Variants in PTDSS1 observed in about 807,000 individuals in gnomAD.
The protein encoded by PTDSS1 is phosphatidylserine synthase 1, also known as PSS-1.
In PTDSS1, 45 loss-of-function variants were observed where a neutral mutation model predicts 70.5. The ratio of observed to expected loss-of-function variants is 0.64; its 90% confidence interval spans 0.50 to 0.82. The LOEUF (loss-of-function observed/expected upper bound fraction) is 0.82. PTDSS1 is among the 40% of genes least tolerant of loss of function. The pLI is 0.00. For missense variants in PTDSS1, 417 were observed against 586.1 expected (o/e 0.71, Z 2.98); for synonymous variants, 188 against 203.8 (o/e 0.92, Z 0.66).
chr8:96,336,073 T>C lies in PTDSS1; in HGVS notation c.*2507T>C, dbSNP rs1354775870. On this transcript the variant is annotated 3_prime_UTR_variant, in exon 13 of 13. Coordinates refer to ENST00000517309, the MANE Select transcript of PTDSS1 (RefSeq NM_014754.3). The stretch of plus-strand genomic sequence containing the variant: ...AAAGCTTCTTCCCACATTTCGTTTG[T>C]GTCTGTTTCCACCATTCATAGAAAC... 2 of 150,492 alleles carry C rather than the reference T, an allele frequency of 1.3e-5. No homozygotes were observed. Among genetic ancestry groups the C allele is most frequent in the Non-Finnish European group, 2.9e-5 (2 of 68,048 alleles). The allele number at this position is 150,492 out of a possible 1,614,324, so 9.3% of individuals were successfully genotyped here. A position where few individuals can be genotyped will look rare whatever the true frequency, so the allele number is the denominator to read the frequency against.
chr8:96,323,933 A>G (rs1811405156), intron 10 of PTDSS1, among the ~76,000 whole-genome samples: 1 of 152,142 alleles, frequency 6.6e-6, no homozygotes, highest in Non-Finnish European at 1.5e-5. Flanking sequence ...TTCCTCTGGA[A>G]TCTCATTGTA....
chr8:96,276,970 G>GCACACACACACA (rs1295032798), intron 2 of PTDSS1, among the ~76,000 whole-genome samples: 1 of 115,608 alleles, frequency 8.6e-6, no homozygotes, highest in African/African-American at 3.2e-5. Context: ...ATACACGCGC[G>GCACACACACACA]CACGCGCGCG....
intron 10 of PTDSS1, among the ~76,000 whole-genome samples, chr8:96,321,853 G>T (rs903053074): frequency 2.6e-5 from 4 of 152,166 alleles, no homozygotes; most frequent in Admixed American, 6.5e-5. Context: ...GATCTCCTTT[G>T]TATTTAAACT....
chr8:96,281,138 A>G (rs1206780578), intron 2 of PTDSS1, among the ~76,000 whole-genome samples: 1 of 152,224 alleles, frequency 6.6e-6, no homozygotes, highest in African/African-American at 2.4e-5. Context: ...GAGCGTAAGT[A>G]TCAGGACTTA....
chr8:96,280,125 T>C (rs1488468956), intron 2 of PTDSS1, among the ~76,000 whole-genome samples: 2 of 152,222 alleles, frequency 1.3e-5, no homozygotes, highest in Admixed American at 6.5e-5. Context: ...ATGATCTTAT[T>C]TTCTAATTTC....
In PTDSS1 at chr8:96,336,783, G is replaced by T. The variant is rs1300089505; in HGVS notation, c.*3217G>T. ...GGCTGAGGTGGGTGGATCGCCTGAG[G>T]TCAGGAGTTTGAGACCAGCCTGACC... On this transcript the variant is annotated 3_prime_UTR_variant, in exon 13 of 13. Coordinates refer to ENST00000517309, the MANE Select transcript of PTDSS1 (RefSeq NM_014754.3). The T allele has an allele frequency of 6.6e-6, 1 of 151,846 alleles. No homozygotes were observed. Among genetic ancestry groups the T allele is most frequent in the Non-Finnish European group, 1.5e-5 (1 of 68,054 alleles). The allele number at this position is 151,846 out of a possible 1,614,324, so 9.4% of individuals were successfully genotyped here.
At chr8:96,310,411 C>G (rs142872439) in intron 9 of PTDSS1, among the ~76,000 whole-genome samples, 145 of 151,942 alleles carry the variant, frequency 9.5e-4, no homozygotes, top group African/African-American at 3.4e-3. Context: ...ATCTGACCCC[C>G]TTGGCCTCCC....
rs1373782772 is a variant in PTDSS1 at position 96,333,555 on chromosome 8, GGAAA to G, written c.1416_1419del (p.Lys472AsnfsTer48). 3.7e-6 allele frequency: 6 copies of G among 1,608,020 alleles called. No individual in the cohort carries two copies. The South Asian group carries it at 6.6e-5, about 18-fold the overall frequency. On this transcript the variant is annotated frameshift_variant, in exon 13 of 13. Coordinates refer to ENST00000517309, the MANE Select transcript of PTDSS1 (RefSeq NM_014754.3). LOFTEE classifies it high-confidence loss of function. The stretch of plus-strand genomic sequence containing the variant: ...CAAGTCAAAAGTCACCAATGGCGTT[GGAAA>G]GAAATGAAAAACCCTGGTTAATCAA...
chr8:96,285,075 C>CA (rs1213818127), intron 3 of PTDSS1, among the ~76,000 whole-genome samples: 1 of 152,102 alleles, frequency 6.6e-6, no homozygotes, highest in Non-Finnish European at 1.5e-5. Context: ...AATCAGTAAT[C>CA]AAAAAAATAT....
chr8:96,299,376 T>C (rs1811019636), intron 5 of PTDSS1, among the ~76,000 whole-genome samples: 1 of 152,218 alleles, frequency 6.6e-6, no homozygotes, highest in Non-Finnish European at 1.5e-5. Context: ...CCCTCCCAGA[T>C]CCTTGTCATG....
At chr8:96,330,404 C>A in intron 11 of PTDSS1, 123 bp downstream of exon 11, 1 of 895,218 alleles carries the variant, frequency 1.1e-6, no homozygotes. Flanking sequence ...GGCCTCCAGT[C>A]CTGCCACTGC....
intron 4 of PTDSS1, among the ~76,000 whole-genome samples, chr8:96,293,647 C>T (rs535482159): frequency 6.6e-6 from 1 of 152,258 alleles, no homozygotes; most frequent in Non-Finnish European, 1.5e-5. Context: ...TGCAAATAGA[C>T]GGATTGGTCT....
intron 6 of PTDSS1, among the ~76,000 whole-genome samples, chr8:96,302,774 G>A (rs1468003976): frequency 6.6e-6 from 1 of 152,070 alleles, no homozygotes; most frequent in East Asian, 1.9e-4. Context: ...TAGAGACAGG[G>A]TTTCACCATG....
Position 96,299,830 on chromosome 8 carries a change from A to G in PTDSS1, c.737A>G (p.His246Arg). 2 of 1,612,256 alleles carry G rather than the reference A, an allele frequency of 1.2e-6. No homozygotes were observed. Among genetic ancestry groups the G allele is most frequent in the Non-Finnish European group, 1.7e-6 (2 of 1,179,504 alleles). ...VCRFLEMRTYHWASFKDIHTT... is the reference protein window; with the variant it reads ...VCRFLEMRTYRWASFKDIHTT... ...CGGTTTTTAGAGATGAGGACTTACC[A>G]CTGGGCAAGCTTCAAGTGAGTTGCC... The change falls in exon 6 of 13, where the codon CAC becomes CGC. Residue 246 changes from histidine to arginine, a missense_variant. Physicochemically the swap from His to Arg is conservative, Grantham distance 29 (BLOSUM62 0). Coordinates refer to ENST00000517309, the MANE Select transcript of PTDSS1 (RefSeq NM_014754.3).
chr8:96,273,281 T>C lies in PTDSS1; in HGVS notation c.180-18T>C. On this transcript the variant is annotated intron_variant, in intron 1 of 12. Coordinates refer to ENST00000517309, the MANE Select transcript of PTDSS1 (RefSeq NM_014754.3). Reference sequence around the variant, plus strand: ...TGGATCTGAAAGTAAATGCTCAATGTTGTTTTTCTATTTTCAGGGATGACT... The same window carrying C: ...TGGATCTGAAAGTAAATGCTCAATGCTGTTTTTCTATTTTCAGGGATGACT... 2 of 1,559,330 alleles carry C rather than the reference T, an allele frequency of 1.3e-6. No individual in the cohort carries two copies. The highest frequency in any genetic ancestry group is 1.7e-6 in the Non-Finnish European group (2 of 1,148,074).
At chr8:96,291,200 G>A (rs1272134210) in intron 4 of PTDSS1, among the ~76,000 whole-genome samples, 1 of 152,000 alleles carries the variant, frequency 6.6e-6, no homozygotes, top group Non-Finnish European at 1.5e-5. Flanking sequence ...AGAGCTTAGA[G>A]TCTACTAGAA....
chr8:96,312,411 A>T (rs554959884), intron 9 of PTDSS1, among the ~76,000 whole-genome samples: 1 of 150,830 alleles, frequency 6.6e-6, no homozygotes, highest in East Asian at 2.0e-4. Flanking sequence ...TTGAGCTATG[A>T]TTGTGCCTCT....
In PTDSS1 at chr8:96,333,738, G is replaced by A. The variant is rs1305439004; in HGVS notation, c.*172G>A. ...AGTCTTGTTTCCCACAGACCTGGCCGCGTCAGGCAGATCATCGCCTGGGGG... is the reference window on the plus strand; with the variant it reads ...AGTCTTGTTTCCCACAGACCTGGCCACGTCAGGCAGATCATCGCCTGGGGG... On this transcript the variant is annotated 3_prime_UTR_variant, in exon 13 of 13. Transcript: ENST00000517309. 6 of 741,290 alleles carry A rather than the reference G, an allele frequency of 8.1e-6. No homozygotes were observed. The highest frequency in any genetic ancestry group is 2.3e-4 in the Middle Eastern group (1 of 4,424). 45.9% of individuals were successfully genotyped at this position (741,290 alleles called of 1,614,324 possible). A position where few individuals can be genotyped will look rare whatever the true frequency, so the allele number is the denominator to read the frequency against.
chr8:96,320,210 GGATT>G (rs761284521), intron 9 of PTDSS1, 32 bp from the exon 10 acceptor site: 7 of 1,507,978 alleles, frequency 4.6e-6, no homozygotes, highest in African/African-American at 2.8e-5. Context: ...CTGGTAAGAT[GGATT>G]AATACTTAAC....
Sources: gnomAD v4.1 joint callset for allele counts (sites outside exome capture counted in the v4.1 genomes callset) on GRCh38, gnomAD v4.1.1 for gene constraint, MANE v1.5 for transcripts, NCBI Gene and HGNC (gene_info 2026-07-23, HGNC 2026-07-21) for gene names.